HERC2: variants seen among roughly 807,000 people sequenced by gnomAD.
HERC2 encodes the protein E3 ubiquitin-protein ligase HERC2.
A neutral mutation model predicts 537.7 loss-of-function variants in HERC2; 102 were observed. That is an observed-to-expected ratio of 0.19 (90% CI 0.16 to 0.22). The LOEUF is 0.22. HERC2 is among the 10% of genes least tolerant of loss of function. The pLI, the probability that HERC2 is intolerant of heterozygous loss-of-function variation, is 1.00. For missense variants in HERC2, 4,236 were observed against 6,198.2 expected (o/e 0.68, Z 10.63); for synonymous variants, 2,224 against 2,466.2 (o/e 0.90, Z 2.91).
At chr15:28,164,384 T>C (rs1308037764) in intron 68 of HERC2, among the ~76,000 whole-genome samples, 1 of 152,200 alleles carries the variant, frequency 6.6e-6, no homozygotes, top group Non-Finnish European at 1.5e-5. Flanking sequence ...GAAACAGACC[T>C]TGCTCCTGCC....
At chr15:28,181,562 A>G (rs1232723596) in intron 57 of HERC2, among the ~76,000 whole-genome samples, 2 of 152,260 alleles carry the variant, frequency 1.3e-5, no homozygotes, top group African/African-American at 4.8e-5. Flanking sequence ...GTCTCACAGA[A>G]TACTAACAGG....
intron 15 of HERC2, among the ~76,000 whole-genome samples, chr15:28,262,466 A>G (rs1193188322): frequency 3.3e-5 from 5 of 152,188 alleles, no homozygotes; most frequent in African/African-American, 1.2e-4. Flanking sequence ...CAACTGAGCA[A>G]GCAGGAATCA....
Position 28,113,621 on chromosome 15 carries a change from C to G in HERC2, c.13971G>C (p.Val4657=). The G allele has an allele frequency of 6.2e-7, 1 of 1,614,184 alleles. No homozygotes were observed. Among genetic ancestry groups the G allele is most frequent in the Non-Finnish European group, 8.5e-7 (1 of 1,180,030 alleles). Residue 4657 remains valine (V), a synonymous_variant, in exon 91 of 93, where the codon GTG becomes GTC. Coordinates refer to ENST00000261609, the MANE Select transcript of HERC2 (RefSeq NM_004667.6). The surrounding 1 kb of genome is among the most constrained non-coding windows in gnomAD (Gnocchi z 7.0). ...AAVREGMARV[V]PVPLLSLFTG... ...TGAACAGAGAGAGGAGGGGAACAGG[C>G]ACAACGCGGGCCATTCCTTCCCGAA... is the stretch of plus-strand genomic sequence containing the variant.
intron 22 of HERC2, 134 bp downstream of exon 22, chr15:28,246,608 A>G (rs1247835882): frequency 3.0e-6 from 2 of 671,414 alleles, no homozygotes; most frequent in African/African-American, 1.9e-5. Context: ...TAAAAAAAAA[A>G]AACAAAGGTG....
chr15:28,166,805 G>A (rs1894187452), intron 68 of HERC2, among the ~76,000 whole-genome samples: 1 of 152,146 alleles, frequency 6.6e-6, no homozygotes, highest in African/African-American at 2.4e-5. Flanking sequence ...CAGTGACCGA[G>A]TCCCAGTGAC....
At chr15:28,142,632 T>C (rs1486417034) in intron 75 of HERC2, among the ~76,000 whole-genome samples, 195 bp downstream of exon 75, 7 of 152,296 alleles carry the variant, frequency 4.6e-5, no homozygotes, top group Admixed American at 2.6e-4. Flanking sequence ...TCTCAAGGCA[T>C]GCTAACGGTT....
At chr15:28,308,847 A>G (rs1336097483) in intron 2 of HERC2, among the ~76,000 whole-genome samples, 1 of 152,246 alleles carries the variant, frequency 6.6e-6, no homozygotes, top group Non-Finnish European at 1.5e-5. Flanking sequence ...GTATCACATC[A>G]ATTGATTTGC....
intron 3 of HERC2, among the ~76,000 whole-genome samples, 198 bp downstream of exon 3, chr15:28,299,204 C>T (rs567880769): frequency 6.6e-6 from 1 of 152,030 alleles, no homozygotes; most frequent in African/African-American, 2.4e-5. Context: ...AATAAAAATG[C>T]CTTCAATTAA....
intron 35 of HERC2, among the ~76,000 whole-genome samples, chr15:28,224,665 A>C (rs559907890): frequency 6.6e-6 from 1 of 152,306 alleles, no homozygotes; most frequent in South Asian, 2.1e-4. Flanking sequence ...GATCTAATAG[A>C]CATATACAGA....
At chr15:28,186,279 A>G (rs1243027439) in intron 56 of HERC2, among the ~76,000 whole-genome samples, 1 of 152,246 alleles carries the variant, frequency 6.6e-6, no homozygotes, top group Non-Finnish European at 1.5e-5. Flanking sequence ...TAGTAACAGA[A>G]AAAAAGGAAA....
At position 28,202,109 on chromosome 15, in the gene HERC2, T is replaced by G. The variant is rs1567006110; in HGVS notation, c.7617+4A>C. 6.0e-6 allele frequency: 9 copies of G among 1,510,536 alleles called. No homozygotes were observed. Among genetic ancestry groups the G allele is most frequent in the Non-Finnish European group, 8.2e-6 (9 of 1,096,402 alleles). The allele number at this position is 1,510,536 out of a possible 1,614,324, so 93.6% of individuals were successfully genotyped here. On this transcript the variant is annotated splice_donor_region_variant and intron_variant, in intron 47 of 92. Coordinates refer to ENST00000261609, the MANE Select transcript of HERC2 (RefSeq NM_004667.6). ...GTGCGGGCGGTCACATGGGAGGCAC[T>G]GACCATGGAGTAGGCGGCATCATCC...
At chr15:28,112,135 G>A in intron 92 of HERC2, 100 bp from the exon 93 acceptor site, 1 of 1,201,852 alleles carries the variant, frequency 8.3e-7, no homozygotes, top group Non-Finnish European at 1.2e-6. Flanking sequence ...CATATTTTTT[G>A]CTAAGAACAA....
In HERC2 at chr15:28,135,714, G is replaced by C. The variant is rs776587618; in HGVS notation, c.12016-22C>G. ...ACAGCTAAGAAAAGAAAAAGCAATA[G>C]TAACATCAGTTTTTAATCTCAATAT... On this transcript the variant is annotated intron_variant, in intron 78 of 92. Transcript: ENST00000261609. 1.6e-5 allele frequency: 25 copies of C among 1,567,452 alleles called. No homozygotes were observed. The South Asian group carries it at 2.6e-4, about 16-fold the overall frequency.
chr15:28,215,741 C>G lies in HERC2; in HGVS notation c.6090G>C (p.Val2030=), dbSNP rs1394190472. ...CCTGCGGCGTGAGAGCGATGCTCCG[C>G]ACAAACCCCAGCGTGCACCAGCTCC... ...QHRSWCTLGF[V]RSIALTPQVC... Residue 2030 remains valine, a synonymous_variant, in exon 39 of 93, where the codon GTG becomes GTC. Transcript: ENST00000261609. 6.2e-7 allele frequency: 1 copy of G among 1,612,030 alleles called. No homozygotes were observed.
chr15:28,155,610 G>GTATCAT (rs1892923267), intron 69 of HERC2, among the ~76,000 whole-genome samples: 1 of 142,162 alleles, frequency 7.0e-6, no homozygotes, highest in African/African-American at 3.1e-5. Context: ...TGTTGATGGG[G>GTATCAT]TTGTTTTTTT....
chr15:28,211,827 T>C (rs183591081), intron 43 of HERC2, among the ~76,000 whole-genome samples: 1 of 152,216 alleles, frequency 6.6e-6, no homozygotes, highest in Admixed American at 6.5e-5. Context: ...CAATCGTAGG[T>C]CTGTGGGAGC....
At chr15:28,301,635 CA>C (rs553654442) in intron 2 of HERC2, among the ~76,000 whole-genome samples, 82 of 106,810 alleles carry the variant, frequency 7.7e-4, no homozygotes, top group Non-Finnish European at 1.2e-3. Context: ...CCTTGTCTGG[CA>C]AAAAAAAAAA....
intron 22 of HERC2, 139 bp from the exon 23 acceptor site, chr15:28,246,205 A>C (rs1180464839): frequency 3.4e-5 from 21 of 610,462 alleles, no homozygotes; most frequent in Middle Eastern, 4.3e-4. Flanking sequence ...GAATTATCTT[A>C]TATTTTATAT....
intron 63 of HERC2, 87 bp from the exon 64 acceptor site, chr15:28,175,743 C>T: frequency 1.5e-6 from 2 of 1,351,298 alleles, no homozygotes; most frequent in Non-Finnish European, 2.1e-6. Flanking sequence ...TCACATCTTT[C>T]ACAGCCAGCT....
Sources: allele counts gnomAD v4.1 joint callset (sites outside exome capture counted in the v4.1 genomes callset), GRCh38; gene constraint gnomAD v4.1.1; non-coding constraint Gnocchi (gnomAD v3.1); transcripts MANE v1.5; gene names NCBI Gene and HGNC (gene_info 2026-07-23, HGNC 2026-07-21).